C1orf94: variants seen among roughly 807,000 people sequenced by gnomAD.
C1orf94 encodes the protein chromosome 1 open reading frame 94.
A neutral mutation model predicts 53.6 loss-of-function variants in C1orf94; 45 were observed. The ratio of observed to expected loss-of-function variants is 0.84; its 90% confidence interval spans 0.66 to 1.08. C1orf94 has a LOEUF of 1.08. Among genes scored for constraint, C1orf94 ranks in the 50% least tolerant of loss-of-function variants. C1orf94 has a pLI of 0.00. For missense variants in C1orf94, 762 were observed against 738.9 expected, an observed-to-expected ratio of 1.03 and a Z score of -0.36; for synonymous variants, 304 against 296.1, an observed-to-expected ratio of 1.03 and a Z score of -0.27.
intron 1 of C1orf94, among the ~76,000 whole-genome samples, chr1:34,195,674 A>T (rs913786184): frequency 4.6e-5 from 7 of 152,058 alleles, no homozygotes; most frequent in South Asian, 2.1e-4. Context: ...AGCCTCTAAG[A>T]CTGTAGACTG....
chr1:34,169,626 A>C (rs1265803411), intron 1 of C1orf94, among the ~76,000 whole-genome samples: 1 of 94,524 alleles, frequency 1.1e-5, no homozygotes, highest in African/African-American at 3.9e-5. Flanking sequence ...AGAGAGAGAG[A>C]GAGAGAGAGT....
rs375505691 is a variant in C1orf94, at chr1:34,200,634, TGAAA to T, written c.1010-135_1010-132del. 4.6e-3 allele frequency: 5,517 copies of T among 1,198,526 alleles called. 21 individuals are homozygous for T. Among genetic ancestry groups the T allele is most frequent in the Middle Eastern group, 0.016 (58 of 3,690 alleles). The allele number at this position is 1,198,526 out of a possible 1,614,324, so 74.2% of individuals were successfully genotyped here. ...GGGAGAGATTGGGATTGTATTTGGC[TGAAA>T]GAGAGTCCCCCAAAGTGGTCCAAGC... is the stretch of plus-strand genomic sequence containing the variant. On this transcript the variant is annotated intron_variant, in intron 2 of 6. Transcript: ENST00000488417.
At chr1:34,208,484 C>G (rs1284119616) in intron 5 of C1orf94, among the ~76,000 whole-genome samples, 1 of 152,212 alleles carries the variant, frequency 6.6e-6, no homozygotes, top group East Asian at 1.9e-4. Context: ...TCTGCACTAA[C>G]TAATTTAGCC....
At chr1:34,170,413 G>A (rs1370991392) in intron 1 of C1orf94, among the ~76,000 whole-genome samples, 1 of 152,158 alleles carries the variant, frequency 6.6e-6, no homozygotes, top group Non-Finnish European at 1.5e-5. Flanking sequence ...ATGGGAAAGG[G>A]CAGGTGAGAA....
Position 34,208,225 on chromosome 1 carries a change from C to T in C1orf94, c.1515C>T (p.Tyr505=). 2 of 1,613,914 alleles carry T rather than the reference C, an allele frequency of 1.2e-6. No individual in the cohort carries two copies. The highest frequency in any genetic ancestry group is 1.7e-5 in the Admixed American group (1 of 60,008). ...QQALHPQLGC[Y]SQQVMPYNPQ... Reference sequence around the variant, plus strand: ...CTTTGCACCCGCAGCTGGGATGTTACTCCCAACAGGTGAGTAGACGATCTC... The same window carrying T: ...CTTTGCACCCGCAGCTGGGATGTTATTCCCAACAGGTGAGTAGACGATCTC... The change falls in exon 5 of 7, where the codon TAC becomes TAT. Residue 505 remains tyrosine (Y), a synonymous_variant. Coordinates refer to ENST00000488417, the MANE Select transcript of C1orf94 (RefSeq NM_001134734.2).
chr1:34,200,901 C>A lies in C1orf94; in HGVS notation c.1139C>A (p.Thr380Asn). ...CCDAVGTASL[T>N]LPPKKPTCPA... ...GACGCAGTGGGCACCGCATCACTGA[C>A]CCTGCCGCCCAAGAAACCTACATGT... The change falls in exon 3 of 7, where the codon ACC becomes AAC. Residue 380 changes from threonine to asparagine, a missense_variant. By Grantham distance (65) the Thr-to-Asn change is moderately conservative. Transcript: ENST00000488417. 3 of 1,614,164 alleles carry A rather than the reference C, an allele frequency of 1.9e-6. No homozygotes were observed. The highest frequency in any genetic ancestry group is 1.1e-5 in the South Asian group (1 of 91,072).
At chr1:34,201,599 A>T (rs774183613) in intron 3 of C1orf94, among the ~76,000 whole-genome samples, 78 of 152,232 alleles carry the variant, frequency 5.1e-4, no homozygotes, top group Non-Finnish European at 1.1e-3. Context: ...TATAATTTTT[A>T]AAATTCCCAT....
chr1:34,200,142 A>G (rs899214389), intron 2 of C1orf94, among the ~76,000 whole-genome samples: 2 of 152,230 alleles, frequency 1.3e-5, no homozygotes, highest in African/African-American at 4.8e-5. Flanking sequence ...AGTGAGCTGA[A>G]TCACCTGTGA....
At chr1:34,182,086 C>T (rs760001868) in intron 1 of C1orf94, among the ~76,000 whole-genome samples, 13 of 152,122 alleles carry the variant, frequency 8.5e-5, no homozygotes, top group East Asian at 1.9e-4. Flanking sequence ...TCTAGCTACT[C>T]GGGAGGGTGA....
chr1:34,204,146 C>T (rs185883717), intron 4 of C1orf94, among the ~76,000 whole-genome samples: 209 of 152,326 alleles, frequency 1.4e-3, no homozygotes, highest in Non-Finnish European at 2.6e-3. Context: ...CTTCCCCGCT[C>T]TCCACTCCTA....
chr1:34,191,549 G>A (rs1279003138), intron 1 of C1orf94, among the ~76,000 whole-genome samples: 1 of 152,130 alleles, frequency 6.6e-6, no homozygotes. Flanking sequence ...AAAGCCATGA[G>A]GTCAGTCTGC....
rs763023074 is a variant in C1orf94 at position 34,200,930 on chromosome 1, G to A, written c.1168G>A (p.Ala390Thr). 5.0e-6 allele frequency: 8 copies of A among 1,614,054 alleles called. No homozygotes were observed. The Admixed American group carries it at 1.3e-4, about 27-fold the overall frequency. Residue 390 changes from alanine (A) to threonine (T), a missense_variant, in exon 3 of 7, where the codon GCC becomes ACC. Physicochemically the swap from Ala to Thr is moderately conservative, Grantham distance 58 (BLOSUM62 0). Coordinates refer to ENST00000488417, the MANE Select transcript of C1orf94 (RefSeq NM_001134734.2). The stretch of plus-strand genomic sequence containing the variant: ...GCCGCCCAAGAAACCTACATGTCCA[G>A]CCGAGAAGAACTTGCTCTATGAGTT... ...TLPPKKPTCP[A>T]EKNLLYEFLG...
intron 1 of C1orf94, among the ~76,000 whole-genome samples, chr1:34,193,628 T>G (rs552461665): frequency 1.2e-4 from 18 of 152,338 alleles, no homozygotes; most frequent in Non-Finnish European, 2.5e-4. Flanking sequence ...GCTTCTTCCC[T>G]CTGTGGCAAG....
chr1:34,218,146 C>T (rs1473343190), intron 6 of C1orf94, among the ~76,000 whole-genome samples: 1 of 152,162 alleles, frequency 6.6e-6, no homozygotes, highest in Non-Finnish European at 1.5e-5. Context: ...AAGCCCTAGG[C>T]ACTCAGTGAT....
At chr1:34,209,285 AACACACAC>A (rs59376155) in intron 5 of C1orf94, among the ~76,000 whole-genome samples, 13 of 143,726 alleles carry the variant, frequency 9.0e-5, no homozygotes, top group African/African-American at 2.3e-4. Flanking sequence ...GAGAAATGCA[AACACACAC>A]ACACACACAC....
At position 34,218,705 on chromosome 1, in the gene C1orf94, G is replaced by A. The variant is rs114311157; in HGVS notation, c.1741G>A (p.Gly581Arg). ...TTCCAGGTTCGGCTCGACATCCGGA[G>A]GGCCCTTGATGCACAGCCCCTATTT... ...QGYGFGSTSGGPLMHSPYFSS... is the reference protein window; with the variant it reads ...QGYGFGSTSGRPLMHSPYFSS... Residue 581 changes from glycine (G) to arginine (R), a missense_variant, in exon 7 of 7, where the codon GGG becomes AGG. Coordinates refer to ENST00000488417, the MANE Select transcript of C1orf94 (RefSeq NM_001134734.2). 5.8e-4 allele frequency: 931 copies of A among 1,612,134 alleles called. 9 individuals are homozygous for A. The African/African-American group carries it at 0.011, about 19-fold the overall frequency.
intron 1 of C1orf94, among the ~76,000 whole-genome samples, chr1:34,170,739 C>T (rs1642134338): frequency 6.6e-6 from 1 of 152,024 alleles, no homozygotes; most frequent in Non-Finnish European, 1.5e-5. Context: ...TGGGCTTATC[C>T]ACTTCTAGTT....
intron 1 of C1orf94, among the ~76,000 whole-genome samples, chr1:34,184,000 G>T (rs1268737749): frequency 6.6e-6 from 1 of 152,170 alleles, no homozygotes. Flanking sequence ...TATAGTAAGT[G>T]TTCTGGTGAT....
chr1:34,207,968 G>A (rs1217921256), intron 4 of C1orf94, among the ~76,000 whole-genome samples, 189 bp from the exon 5 acceptor site: 1 of 152,204 alleles, frequency 6.6e-6, no homozygotes, highest in African/African-American at 2.4e-5. Flanking sequence ...GGCTGCCTAA[G>A]AGGGGCTTCC....
Sources: gnomAD v4.1 joint callset for allele counts (sites outside exome capture counted in the v4.1 genomes callset) on GRCh38, gnomAD v4.1.1 for gene constraint, MANE v1.5 for transcripts, NCBI Gene and HGNC (gene_info 2026-07-23, HGNC 2026-07-21) for gene names.